The following PIBF1 variants were observed in gnomAD, a reference collection of about 807,000 sequenced individuals.
The protein encoded by PIBF1 is progesterone immunomodulatory binding factor 1, also known as progesterone-induced-blocking factor 1.
A neutral mutation model predicts 112.5 loss-of-function variants in PIBF1; 90 were observed. The ratio of observed to expected loss-of-function variants is 0.80; its 90% CI spans 0.67 to 0.95. The LOEUF is 0.95. PIBF1 is among the 40% of genes least tolerant of loss of function. The probability of loss-of-function intolerance (pLI) is 0.00; values close to 1 mark genes in which losing one functional copy is unlikely to be tolerated. For missense variants in PIBF1, 915 were observed against 852.3 expected (o/e 1.07, Z -0.92); for synonymous variants, 301 against 288.6 (o/e 1.04, Z -0.44).
intron 12 of PIBF1, among the ~76,000 whole-genome samples, chr13:72,910,670 T>A (rs1461250937): frequency 6.6e-6 from 1 of 152,156 alleles, no homozygotes; most frequent in Non-Finnish European, 1.5e-5. Flanking sequence ...AGAGAAGATA[T>A]ATATAAAAAT....
intron 10 of PIBF1, among the ~76,000 whole-genome samples, 157 bp from the exon 11 acceptor site, chr13:72,893,619 CATACATAT>C (rs2138569383): frequency 6.6e-6 from 1 of 152,162 alleles, no homozygotes; most frequent in Admixed American, 6.6e-5. Context: ...TACTTATTTT[CATACATAT>C]ACCTACCTAA....
intron 2 of PIBF1, among the ~76,000 whole-genome samples, chr13:72,790,518 G>GATAGATCACACACACAC (rs2034863280): frequency 3.9e-5 from 2 of 51,432 alleles, no homozygotes; most frequent in South Asian, 1.0e-3. Flanking sequence ...CACATAGATA[G>GATAGATCACACACACAC]ATAGATAGAT....
chr13:72,875,731 G>T (rs920706725), intron 10 of PIBF1, among the ~76,000 whole-genome samples: 8 of 149,766 alleles, frequency 5.3e-5, no homozygotes, highest in African/African-American at 1.9e-4. Flanking sequence ...GGCCATCACT[G>T]TATCTTCTTT....
intron 17 of PIBF1, among the ~76,000 whole-genome samples, chr13:73,007,878 T>C (rs547492608): frequency 4.6e-5 from 7 of 151,642 alleles, no homozygotes; most frequent in Non-Finnish European, 1.0e-4. Context: ...CCATGGACCA[T>C]AGTTTACTGA....
intron 5 of PIBF1, among the ~76,000 whole-genome samples, chr13:72,812,909 G>T (rs1044066164): frequency 2.0e-5 from 3 of 151,948 alleles, no homozygotes; most frequent in African/African-American, 4.8e-5. Flanking sequence ...AGCCAAGATC[G>T]CACCACTGTA....
At chr13:72,947,708 C>A (rs974699384) in intron 14 of PIBF1, among the ~76,000 whole-genome samples, 6 of 152,074 alleles carry the variant, frequency 3.9e-5, no homozygotes, top group Admixed American at 3.9e-4. Flanking sequence ...ACCAGAAATA[C>A]CATTTGACCC....
At chr13:72,849,188 T>C (rs972954294) in intron 9 of PIBF1, among the ~76,000 whole-genome samples, 1 of 152,212 alleles carries the variant, frequency 6.6e-6, no homozygotes, top group Admixed American at 6.5e-5. Flanking sequence ...GGAAACAACA[T>C]GAAAGAATCA....
At chr13:72,866,726 G>A (rs2038942947) in intron 10 of PIBF1, among the ~76,000 whole-genome samples, 1 of 152,048 alleles carries the variant, frequency 6.6e-6, no homozygotes, top group Non-Finnish European at 1.5e-5. Flanking sequence ...TTAATTGCTA[G>A]CAATTAAATT....
intron 13 of PIBF1, among the ~76,000 whole-genome samples, chr13:72,926,866 C>A (rs1218270938): frequency 3.9e-5 from 6 of 152,122 alleles, no homozygotes; most frequent in Non-Finnish European, 7.3e-5. Context: ...TGCCTGTCTT[C>A]CTCAGTAGAC....
intron 11 of PIBF1, among the ~76,000 whole-genome samples, chr13:72,902,712 A>G (rs2040541031): frequency 6.6e-6 from 1 of 152,324 alleles, no homozygotes; most frequent in East Asian, 1.9e-4. Context: ...TTCAATTAGC[A>G]TATTATAAAT....
chr13:72,975,914 A>G (rs2043009363), intron 16 of PIBF1, among the ~76,000 whole-genome samples: 1 of 152,094 alleles, frequency 6.6e-6, no homozygotes, highest in Non-Finnish European at 1.5e-5. Flanking sequence ...TATCAACTAC[A>G]TTTTTTTAAA....
chr13:72,889,925 G>A (rs546966996), intron 10 of PIBF1, among the ~76,000 whole-genome samples: 14 of 152,246 alleles, frequency 9.2e-5, no homozygotes, highest in African/African-American at 3.1e-4. Context: ...AACATTTTGT[G>A]TACAGAATTC....
intron 10 of PIBF1, among the ~76,000 whole-genome samples, chr13:72,891,533 A>G (rs1213872937): frequency 6.6e-6 from 1 of 152,094 alleles, no homozygotes; most frequent in Admixed American, 6.6e-5. Context: ...GCACACTAGA[A>G]TGCATAATCA....
intron 9 of PIBF1, among the ~76,000 whole-genome samples, chr13:72,842,491 A>G (rs2037658568): frequency 2.6e-5 from 4 of 152,200 alleles, no homozygotes; most frequent in African/African-American, 7.2e-5. Flanking sequence ...TTTATCTTCC[A>G]AAAGTACTCA....
chr13:72,935,116 G>A (rs1358722229), intron 14 of PIBF1, among the ~76,000 whole-genome samples: 2 of 152,092 alleles, frequency 1.3e-5, no homozygotes, highest in Non-Finnish European at 2.9e-5. Context: ...CTCCCAAGTA[G>A]CTGGGACTAC....
Position 72,987,858 on chromosome 13 carries a change from A to ATTTTTTTT in PIBF1, c.2050-10948_2050-10941dup, listed in dbSNP as rs55999445. ...TTGTAATTTATTTATTTATTTATTT[A>ATTTTTTTT]TTTTTTTTTTTTTTTTTTTTTTTGA... On this transcript the variant is annotated intron_variant, in intron 16 of 17. Coordinates refer to ENST00000326291, the MANE Select transcript of PIBF1 (RefSeq NM_006346.4). Among the ~76,000 whole-genome samples the ATTTTTTTT allele has an allele frequency of 3.9e-3, 227 of 58,048 alleles. 15 individuals are homozygous for ATTTTTTTT. Among genetic ancestry groups the ATTTTTTTT allele is most frequent in the African/African-American group, 0.019 (203 of 10,672 alleles). The allele number at this position is 58,048 out of a possible 152,430, so 38.1% of individuals were successfully genotyped here.
intron 16 of PIBF1, chr13:72,974,079 A>G (rs1489873334): frequency 5.1e-6 from 1 of 197,512 alleles, no homozygotes; most frequent in African/African-American, 2.3e-5. Flanking sequence ...TTCCCTACCA[A>G]AATTCTTTTA....
rs1315765435 is a variant in PIBF1 at position 72,828,301 on chromosome 13, C to G, written c.1097+387C>G. 2.8e-5 allele frequency among the ~76,000 whole-genome samples: 4 copies of G among 143,992 alleles called. No homozygotes were observed. In the South Asian group the frequency reaches 8.6e-4, roughly 31 times the overall value. 94.5% of individuals were successfully genotyped at this position (143,992 alleles called of 152,430 possible). A position where few individuals can be genotyped will look rare whatever the true frequency, so the allele number is the denominator to read the frequency against. ...TTTTTTTTTTATAAATTATACTTTA[C>G]GTTCTGGGGTACATGTGCAGAATAT... is the stretch of plus-strand genomic sequence containing the variant. On this transcript the variant is annotated intron_variant, in intron 8 of 17. Transcript: ENST00000326291.
intron 14 of PIBF1, among the ~76,000 whole-genome samples, chr13:72,940,062 A>G (rs1411119662): frequency 6.6e-6 from 1 of 152,098 alleles, no homozygotes; most frequent in African/African-American, 2.4e-5. Flanking sequence ...AACATCTTAC[A>G]TATGTGAGTT....
Sources: allele counts gnomAD v4.1 joint callset (sites outside exome capture counted in the v4.1 genomes callset), GRCh38; gene constraint gnomAD v4.1.1; transcripts MANE v1.5; gene names NCBI Gene and HGNC (gene_info 2026-07-23, HGNC 2026-07-21).